OR4D10: variants seen among roughly 807,000 people sequenced by gnomAD.
The protein encoded by OR4D10 is olfactory receptor family 4 subfamily D member 10.
For missense variants in OR4D10, 395 were observed against 378.0 expected (o/e 1.04, Z -0.37); for synonymous variants, 188 against 153.2 (o/e 1.23, Z -1.68).
At position 59,479,004 on chromosome 11, in the gene OR4D10, G is replaced by C. The variant is rs749701059; in HGVS notation, c.*639G>C. ...TCTGTATAATTTTCATAAGGTAAAC[G>C]TATCCTACATGATCCTTATGATGGG... On this transcript the variant is annotated 3_prime_UTR_variant, in exon 3 of 3. Coordinates refer to ENST00000530162, the MANE Select transcript of OR4D10 (RefSeq NM_001004705.2). 6.6e-6 allele frequency: 1 copy of C among 152,144 alleles called. No individual in the cohort carries two copies. The highest frequency in any genetic ancestry group is 2.4e-5 in the African/African-American group (1 of 41,406). The allele number at this position is 152,144 out of a possible 1,614,324, so 9.4% of individuals were successfully genotyped here.
At chr11:59,477,035 C>A (rs1275327424) in intron 2 of OR4D10, among the ~76,000 whole-genome samples, 2 of 151,548 alleles carry the variant, frequency 1.3e-5, no homozygotes, top group Non-Finnish European at 2.9e-5. Flanking sequence ...ACCTCCAAAG[C>A]AGTATAAGTG....
Position 59,477,439 on chromosome 11 carries a change from G to GA in OR4D10, c.14dup (p.Asn5LysfsTer48), listed in dbSNP as rs564277599. ...TAAAGAGGATGATTGAATGGAGATG[G>GA]AAAACTGCACCAGGGTAAAAGAATT... On this transcript the variant is annotated frameshift_variant, in exon 3 of 3. Coordinates refer to ENST00000530162, the MANE Select transcript of OR4D10 (RefSeq NM_001004705.2). LOFTEE classifies it low-confidence loss of function (END_TRUNC). 4.8e-5 allele frequency: 75 copies of GA among 1,559,496 alleles called. No homozygotes were observed. Among genetic ancestry groups the GA allele is most frequent in the Non-Finnish European group, 6.2e-5 (71 of 1,154,338 alleles).
Position 59,477,758 on chromosome 11 carries a change from T to G in OR4D10, c.329T>G (p.Val110Gly), listed in dbSNP as rs780765713. Residue 110 changes from valine to glycine, a missense_variant, in exon 3 of 3, where the codon GTG (valine) becomes GGG (glycine). Coordinates refer to ENST00000530162, the MANE Select transcript of OR4D10 (RefSeq NM_001004705.2). ...TTTCTATTCCACCTTATTGGAGGGG[T>G]GGATGTATTTTCTCTTTCGGTGATG... ...QMFLFHLIGGVDVFSLSVMAL... is the reference protein window; with the variant it reads ...QMFLFHLIGGGDVFSLSVMAL... 3.7e-6 allele frequency: 6 copies of G among 1,613,830 alleles called. No individual in the cohort carries two copies. The highest frequency in any genetic ancestry group is 5.1e-6 in the Non-Finnish European group (6 of 1,179,944).
At position 59,479,300 on chromosome 11, in the gene OR4D10, A is replaced by G. The variant is rs1205309918; in HGVS notation, c.*935A>G. On this transcript the variant is annotated 3_prime_UTR_variant, in exon 3 of 3. Transcript: ENST00000530162. ...GATTGAATGTTTTCACTTACTTGATATACTCTGTGGCCTGTGAGTTTCTAC... is the reference window on the plus strand; with the variant it reads ...GATTGAATGTTTTCACTTACTTGATGTACTCTGTGGCCTGTGAGTTTCTAC... The G allele has an allele frequency of 6.6e-6, 1 of 152,244 alleles. No individual in the cohort carries two copies. Among genetic ancestry groups the G allele is most frequent in the African/African-American group, 2.4e-5 (1 of 41,468 alleles). The allele number at this position is 152,244 out of a possible 1,614,324, so 9.4% of individuals were successfully genotyped here.
chr11:59,479,304 T>C lies in OR4D10; in HGVS notation c.*939T>C, dbSNP rs1343614342. On this transcript the variant is annotated 3_prime_UTR_variant, in exon 3 of 3. Transcript: ENST00000530162. ...GAATGTTTTCACTTACTTGATATAC[T>C]CTGTGGCCTGTGAGTTTCTACAAAT... The C allele has an allele frequency of 6.6e-6, 1 of 152,210 alleles. No homozygotes were observed. The highest frequency in any genetic ancestry group is 1.5e-5 in the Non-Finnish European group (1 of 68,042). The allele number at this position is 152,210 out of a possible 1,614,324, so 9.4% of individuals were successfully genotyped here. A position where few individuals can be genotyped will look rare whatever the true frequency, so the allele number is the denominator to read the frequency against.
Position 59,477,359 on chromosome 11 carries a change from C to A in OR4D10, c.-71C>A, listed in dbSNP as rs781494408. The A allele has an allele frequency of 3.3e-5, 40 of 1,198,724 alleles. No individual in the cohort carries two copies. The highest frequency in any genetic ancestry group is 3.9e-5 in the Non-Finnish European group (34 of 861,674). The allele number at this position is 1,198,724 out of a possible 1,614,324, so 74.3% of individuals were successfully genotyped here. A position where few individuals can be genotyped will look rare whatever the true frequency, so the allele number is the denominator to read the frequency against. ...ACTGCATTCTAGGTGTTTAGGAAGA[C>A]AACAAAATAAATATCCCAGTGCTTT... is the stretch of plus-strand genomic sequence containing the variant. On this transcript the variant is annotated 5_prime_UTR_variant, in exon 3 of 3. Transcript: ENST00000530162.
intron 2 of OR4D10, among the ~76,000 whole-genome samples, 184 bp from the exon 3 acceptor site, chr11:59,477,078 G>T (rs983544066): frequency 1.3e-5 from 2 of 152,024 alleles, no homozygotes; most frequent in African/African-American, 4.8e-5. Flanking sequence ...CCTTAAAGCA[G>T]AATAAAGGGA....
intron 2 of OR4D10, among the ~76,000 whole-genome samples, chr11:59,474,900 C>A (rs1190594297): frequency 6.8e-6 from 1 of 148,112 alleles, no homozygotes; most frequent in Non-Finnish European, 1.5e-5. Flanking sequence ...ACTAAAAATA[C>A]AAAAAAAAAA....
Sources: gnomAD v4.1 joint callset for allele counts (sites outside exome capture counted in the v4.1 genomes callset) on GRCh38, gnomAD v4.1.1 for gene constraint, MANE v1.5 for transcripts, NCBI Gene and HGNC (gene_info 2026-07-23, HGNC 2026-07-21) for gene names.